Variants in EPG5 observed in about 807,000 individuals in gnomAD.
EPG5 encodes the protein ectopic P granules protein 5 homolog.
EPG5 carries 159 observed loss-of-function variants against 302.7 expected under a neutral mutation model. That is an observed-to-expected ratio of 0.53 (90% CI 0.46 to 0.60). The LOEUF (loss-of-function observed/expected upper bound fraction) is 0.60. Ranked by LOEUF, EPG5 falls within the 20% of genes least tolerant of loss-of-function variation. The probability of loss-of-function intolerance (pLI) is 0.00; values close to 1 mark genes in which losing one functional copy is unlikely to be tolerated. For missense variants in EPG5, 2,896 were observed against 3,092.4 expected, an observed-to-expected ratio of 0.94 and a Z score of 1.51; for synonymous variants, 1,158 against 1,136.8, an observed-to-expected ratio of 1.02 and a Z score of -0.37.
chr18:45,842,222 T>C, the EPG5 span: 7 of 1,610,786 alleles, frequency 4.3e-6, 1 homozygote, highest in South Asian at 6.6e-5. Flanking sequence ...ATTTCAGCAC[T>C]GTAAAGAACA....
intron 29 of EPG5, among the ~76,000 whole-genome samples, chr18:45,887,221 TAAAC>T (rs759425551): frequency 7.2e-5 from 11 of 152,116 alleles, no homozygotes; most frequent in Non-Finnish European, 1.6e-4. Context: ...AATAAATAAA[TAAAC>T]AAACAAATAA....
chr18:45,886,711 T>A (rs898691218), intron 29 of EPG5, among the ~76,000 whole-genome samples: 2 of 152,146 alleles, frequency 1.3e-5, no homozygotes, highest in Admixed American at 1.3e-4. Context: ...CAGGCTGGAG[T>A]GCAATAGCAT....
chr18:45,955,490 C>T (rs1244006170), intron 1 of EPG5, 152 bp from the exon 2 acceptor site: 8 of 592,510 alleles, frequency 1.4e-5, no homozygotes, highest in Non-Finnish European at 2.0e-5. Flanking sequence ...CAGATATGAA[C>T]AAATATGAAA....
chr18:45,814,017 G>T, the EPG5 span, among the ~76,000 whole-genome samples: 9 of 152,078 alleles, frequency 5.9e-5, no homozygotes, highest in African/African-American at 1.9e-4. Flanking sequence ...TGAAATGGGA[G>T]AGGTTATCTA....
chr18:45,922,630 T>G, intron 15 of EPG5, 30 bp from the exon 16 acceptor site: 6 of 1,609,218 alleles, frequency 3.7e-6, no homozygotes, highest in Non-Finnish European at 5.1e-6. Flanking sequence ...TGAGCCACAT[T>G]AGTCACACAC....
intron 34 of EPG5, among the ~76,000 whole-genome samples, chr18:45,876,701 C>A (rs2048977387): frequency 6.6e-6 from 1 of 151,454 alleles, no homozygotes; most frequent in African/African-American, 2.4e-5. Flanking sequence ...ACAGTTTTCT[C>A]TACTCAAAGC....
At chr18:45,959,056 G>A (rs2051091030) in intron 1 of EPG5, among the ~76,000 whole-genome samples, 1 of 152,192 alleles carries the variant, frequency 6.6e-6, no homozygotes, top group Non-Finnish European at 1.5e-5. Context: ...AGACTGATTT[G>A]AGTAATAATA....
intron 11 of EPG5, among the ~76,000 whole-genome samples, chr18:45,932,959 T>C (rs1345538055): frequency 6.6e-6 from 1 of 151,350 alleles, no homozygotes; most frequent in Non-Finnish European, 1.5e-5. Context: ...CGGCTCCATC[T>C]GCCACATGCT....
In EPG5 at chr18:45,899,354, TA is replaced by T. The variant is rs2049552006; in HGVS notation, c.4809+49del. On this transcript the variant is annotated intron_variant, in intron 27 of 43. Coordinates refer to ENST00000282041, the MANE Select transcript of EPG5 (RefSeq NM_020964.3). ...ATCTTTCTCATTGATAAGCCAACAT[TA>T]CGGACTCAATTAAAATTCTCTCAGT... 5 of 1,601,978 alleles carry T rather than the reference TA, an allele frequency of 3.1e-6. 1 individual carries two copies. The South Asian group carries it at 5.5e-5, about 18-fold the overall frequency.
intron 1 of EPG5, among the ~76,000 whole-genome samples, chr18:45,958,593 C>T (rs1006492110): frequency 1.3e-5 from 2 of 152,148 alleles, no homozygotes; most frequent in African/African-American, 4.8e-5. Flanking sequence ...GGTGCTACAA[C>T]AACTGGATAT....
intron 10 of EPG5, 76 bp from the exon 11 acceptor site, chr18:45,935,042 C>A: frequency 7.1e-7 from 1 of 1,416,824 alleles, no homozygotes; most frequent in South Asian, 1.4e-5. Flanking sequence ...CATTGGCTCT[C>A]AAGGAAAAAA....
At chr18:45,921,201 C>T (rs1393635580) in intron 16 of EPG5, among the ~76,000 whole-genome samples, 2 of 152,192 alleles carry the variant, frequency 1.3e-5, no homozygotes, top group African/African-American at 4.8e-5. Context: ...AATTCTTTAT[C>T]TCTCCTACTT....
At chr18:45,819,386 T>C in the EPG5 span, among the ~76,000 whole-genome samples, 27 of 152,300 alleles carry the variant, frequency 1.8e-4, no homozygotes, top group Middle Eastern at 3.4e-3. Flanking sequence ...CTTTGTTTCA[T>C]TGATCTGAAG....
At chr18:45,953,697 T>C (rs1388116146) in intron 2 of EPG5, 4 of 985,378 alleles carry the variant, frequency 4.1e-6, no homozygotes, top group African/African-American at 1.7e-5. Context: ...GGGCTCTGTG[T>C]TACACATCAG....
intron 23 of EPG5, 73 bp from the exon 24 acceptor site, chr18:45,908,154 G>C (rs2049804105): frequency 8.3e-7 from 1 of 1,204,948 alleles, no homozygotes; most frequent in East Asian, 2.6e-5. Context: ...ACATCTCTAG[G>C]AACACTGGCA....
At chr18:45,964,941 G>A (rs1017437352) in intron 1 of EPG5, among the ~76,000 whole-genome samples, 1 of 152,106 alleles carries the variant, frequency 6.6e-6, no homozygotes, top group East Asian at 1.9e-4. Flanking sequence ...CAACAAAAGC[G>A]AAACTCTGTC....
chr18:45,949,397 C>A, intron 5 of EPG5, 87 bp downstream of exon 5: 1 of 699,496 alleles, frequency 1.4e-6, no homozygotes, highest in Non-Finnish European at 2.4e-6. Context: ...TTTAAATAGT[C>A]CTTTTTTTTT....
chr18:45,889,732 A>G, intron 28 of EPG5, 66 bp downstream of exon 28: 1 of 1,460,310 alleles, frequency 6.8e-7, no homozygotes, highest in Middle Eastern at 2.5e-4. Context: ...GTGGTATAGT[A>G]GCATGTATGA....
chr18:45,907,892 G>T, intron 24 of EPG5, 66 bp downstream of exon 24: 2 of 1,405,748 alleles, frequency 1.4e-6, no homozygotes, highest in South Asian at 2.8e-5. Flanking sequence ...TTATGAATAT[G>T]ACCAGTTCAA....
Sources: gnomAD v4.1 joint callset for allele counts (sites outside exome capture counted in the v4.1 genomes callset) on GRCh38, gnomAD v4.1.1 for gene constraint, MANE v1.5 for transcripts, NCBI Gene and HGNC (gene_info 2026-07-23, HGNC 2026-07-21) for gene names.